The following ACBD6 variants were observed in gnomAD, a reference collection of about 807,000 sequenced individuals.
ACBD6 encodes the protein acyl-CoA-binding domain-containing protein 6.
In ACBD6, 28 loss-of-function variants were observed where a neutral mutation model predicts 37.2. The observed-to-expected ratio is 0.75, with a 90% CI of 0.56 to 1.03. ACBD6 has a LOEUF of 1.03. Ranked by LOEUF, ACBD6 falls within the 50% of genes least tolerant of loss-of-function variation. The probability of loss-of-function intolerance (pLI) is 0.00; values close to 1 mark genes in which losing one functional copy is unlikely to be tolerated. For missense variants in ACBD6, 340 were observed against 337.4 expected (o/e 1.01, Z -0.06); for synonymous variants, 113 against 126.8 (o/e 0.89, Z 0.73).
chr1:180,423,252 G>A (rs1648446894), intron 4 of ACBD6, among the ~76,000 whole-genome samples: 1 of 152,066 alleles, frequency 6.6e-6, no homozygotes, highest in Non-Finnish European at 1.5e-5. Flanking sequence ...ACGTATAAGT[G>A]GACCTATGCA....
intron 6 of ACBD6, among the ~76,000 whole-genome samples, chr1:180,348,166 T>C (rs565564551): frequency 6.6e-5 from 10 of 152,162 alleles, no homozygotes; most frequent in African/African-American, 2.4e-4. Flanking sequence ...AAAGAAAAAA[T>C]GAGAATATTA....
chr1:180,291,372 C>T (rs969627726), intron 7 of ACBD6, among the ~76,000 whole-genome samples: 3 of 152,194 alleles, frequency 2.0e-5, no homozygotes, highest in Admixed American at 2.0e-4. Flanking sequence ...CCCTTACCAG[C>T]ACTTTACTAT....
chr1:180,397,459 T>C, intron 6 of ACBD6, 57 bp downstream of exon 6: 1 of 1,447,712 alleles, frequency 6.9e-7, no homozygotes, highest in East Asian at 2.3e-5. Context: ...GTAAATTTTA[T>C]GTTATGCGAA....
chr1:180,311,424 T>G (rs1650589609), intron 7 of ACBD6, among the ~76,000 whole-genome samples: 2 of 152,180 alleles, frequency 1.3e-5, no homozygotes, highest in East Asian at 1.9e-4. Flanking sequence ...TTCATAGTTC[T>G]TTCTTTTTTG....
chr1:180,310,311 G>T (rs1254064351), intron 7 of ACBD6, among the ~76,000 whole-genome samples: 1 of 152,156 alleles, frequency 6.6e-6, no homozygotes, highest in African/African-American at 2.4e-5. Context: ...AGTGAGCCAT[G>T]ATTGCGCCAC....
intron 3 of ACBD6, among the ~76,000 whole-genome samples, chr1:180,482,474 C>T (rs1052600973): frequency 2.7e-5 from 4 of 150,070 alleles, no homozygotes; most frequent in African/African-American, 7.4e-5. Flanking sequence ...AATAAGATCC[C>T]GAGTAAATAT....
At chr1:180,483,983 T>C (rs959598212) in intron 3 of ACBD6, among the ~76,000 whole-genome samples, 3 of 152,220 alleles carry the variant, frequency 2.0e-5, no homozygotes, top group African/African-American at 7.2e-5. Context: ...TGTCCTCTTC[T>C]AGAACTATTA....
intron 3 of ACBD6, among the ~76,000 whole-genome samples, chr1:180,460,677 AG>A (rs1192515406): frequency 6.6e-6 from 1 of 152,220 alleles, no homozygotes; most frequent in Non-Finnish European, 1.5e-5. Flanking sequence ...AGCAAACCAC[AG>A]CAGCCCTACA....
chr1:180,362,809 TG>T (rs11297505), intron 6 of ACBD6, among the ~76,000 whole-genome samples: 44,681 of 152,058 alleles, frequency 0.29, 8,159 homozygotes, highest in East Asian at 0.5. Context: ...AAGCTAAACA[TG>T]GAAGGAAGTA....
chr1:180,320,040 C>T (rs1650998918), intron 6 of ACBD6, among the ~76,000 whole-genome samples: 1 of 152,166 alleles, frequency 6.6e-6, no homozygotes, highest in Non-Finnish European at 1.5e-5. Flanking sequence ...ATTGCTGGAT[C>T]CTATGATAGC....
At chr1:180,316,875 G>A (rs1037360824) in intron 6 of ACBD6, among the ~76,000 whole-genome samples, 7 of 152,152 alleles carry the variant, frequency 4.6e-5, no homozygotes, top group Admixed American at 4.6e-4. Context: ...ACTAGGAAGT[G>A]ATGAGTACGC....
intron 7 of ACBD6, 126 bp from the exon 8 acceptor site, chr1:180,288,643 T>A: frequency 8.6e-7 from 1 of 1,158,206 alleles, no homozygotes; most frequent in Non-Finnish European, 1.3e-6. Context: ...TTACAGTGAC[T>A]GAAGGATGGT....
chr1:180,348,396 T>C (rs964513879), intron 6 of ACBD6, among the ~76,000 whole-genome samples: 1 of 152,184 alleles, frequency 6.6e-6, no homozygotes, highest in African/African-American at 2.4e-5. Context: ...TGATCAGTCC[T>C]GGGGTTCAGG....
intron 6 of ACBD6, among the ~76,000 whole-genome samples, chr1:180,388,884 A>G (rs764047774): frequency 1.3e-5 from 2 of 152,270 alleles, no homozygotes; most frequent in African/African-American, 2.4e-5. Context: ...ACTGAAAACT[A>G]TAAAACATCA....
rs200759592 is a variant in ACBD6 at position 180,489,508 on chromosome 1, A to AT, written c.384+2760dup. ...GTTATTTAATGTATTAAATATATTAATTTTTTAAAGTTTATTATTTAATGT... is the reference window on the plus strand; with the variant it reads ...GTTATTTAATGTATTAAATATATTAATTTTTTTAAAGTTTATTATTTAATGT... On this transcript the variant is annotated intron_variant, in intron 3 of 7. Coordinates refer to ENST00000367595, the MANE Select transcript of ACBD6 (RefSeq NM_032360.4). Among the ~76,000 whole-genome samples, 13 of 151,344 alleles carry AT rather than the reference A, an allele frequency of 8.6e-5. No individual in the cohort carries two copies. In the East Asian group the frequency reaches 2.5e-3, roughly 29 times the overall value.
intron 3 of ACBD6, chr1:180,435,398 G>A (rs867232512): frequency 2.5e-5 from 10 of 400,144 alleles, no homozygotes; most frequent in Admixed American, 3.8e-5. Flanking sequence ...ACAGGCGCCC[G>A]CCACCACGCC....
intron 5 of ACBD6, among the ~76,000 whole-genome samples, chr1:180,398,797 G>A (rs1454841901): frequency 1.3e-5 from 2 of 152,206 alleles, no homozygotes; most frequent in Non-Finnish European, 2.9e-5. Flanking sequence ...TGAGGATGGT[G>A]ATGATGTTGT....
chr1:180,413,456 A>AT lies in ACBD6; in HGVS notation c.482dup (p.Asn161LysfsTer4), dbSNP rs1647942548. 6.2e-7 allele frequency: 1 copy of AT among 1,611,938 alleles called. No homozygotes were observed. Among genetic ancestry groups the AT allele is most frequent in the Non-Finnish European group, 8.5e-7 (1 of 1,179,298 alleles). On this transcript the variant is annotated frameshift_variant, in exon 5 of 8. Coordinates refer to ENST00000367595, the MANE Select transcript of ACBD6 (RefSeq NM_032360.4). LOFTEE classifies it high-confidence loss of function. ...TGTTTTCCCTGCAGTAATCAAATAT[A>AT]TTTTTGTCTTCTTCCCTAGAATAAA...
intron 6 of ACBD6, among the ~76,000 whole-genome samples, chr1:180,322,318 T>G (rs1417428810): frequency 6.6e-6 from 1 of 151,990 alleles, no homozygotes; most frequent in Non-Finnish European, 1.5e-5. Flanking sequence ...TGGCCTGTAG[T>G]TTTCTTTTTT....
Sources: allele counts gnomAD v4.1 joint callset (sites outside exome capture counted in the v4.1 genomes callset), GRCh38; gene constraint gnomAD v4.1.1; transcripts MANE v1.5; gene names NCBI Gene and HGNC (gene_info 2026-07-23, HGNC 2026-07-21).